The following ATP6V1B2 variants were observed in gnomAD, a reference collection of about 807,000 sequenced individuals.
ATP6V1B2 encodes the protein ATPase H+ transporting V1 subunit B2.
ATP6V1B2 carries 23 observed loss-of-function variants against 66.7 expected under a neutral mutation model. The ratio of observed to expected loss-of-function variants is 0.34; its 90% CI spans 0.25 to 0.49. The LOEUF is 0.49. ATP6V1B2 is among the 20% of genes least tolerant of loss of function. The probability of loss-of-function intolerance (pLI) is 0.99; values close to 1 mark genes in which losing one functional copy is unlikely to be tolerated. For synonymous variants in ATP6V1B2, 278 were observed against 236.7 expected, an observed-to-expected ratio of 1.17 and a Z score of -1.60; for missense variants, 478 against 650.8, an observed-to-expected ratio of 0.73 and a Z score of 2.89.
chr8:20,199,635 G>A lies in ATP6V1B2; in HGVS notation c.136+2093G>A, dbSNP rs541718572. Among the ~76,000 whole-genome samples the A allele has an allele frequency of 6.4e-4, 72 of 112,982 alleles. 1 individual carries two copies. The highest frequency in any genetic ancestry group is 9.1e-3 in the Middle Eastern group (1 of 110). The allele number at this position is 112,982 out of a possible 152,430, so 74.1% of individuals were successfully genotyped here. ...TTTTTTTTTTTTTTTTTGAGATGGA[G>A]TCTCGCTCTGTCACCCAGGCTGGAG... is the stretch of plus-strand genomic sequence containing the variant. On this transcript the variant is annotated intron_variant, in intron 1 of 13. Transcript: ENST00000276390.
intron 9 of ATP6V1B2, chr8:20,214,568 T>A (rs1428588665): frequency 6.6e-6 from 2 of 304,330 alleles, no homozygotes; most frequent in Non-Finnish European, 5.9e-6. Flanking sequence ...TAGCAAACTA[T>A]TTGAAAACTT....
chr8:20,205,016 A>G (rs550070368), intron 2 of ATP6V1B2, among the ~76,000 whole-genome samples: 1 of 152,276 alleles, frequency 6.6e-6, no homozygotes, highest in East Asian at 1.9e-4. Context: ...TCAAGATGAA[A>G]CCTAGTGAGT....
intron 1 of ATP6V1B2, among the ~76,000 whole-genome samples, chr8:20,199,715 A>G (rs775034750): frequency 5.4e-5 from 8 of 148,672 alleles, no homozygotes; most frequent in African/African-American, 1.0e-4. Flanking sequence ...GATTCGAGCA[A>G]TTCTCCTGCG....
intron 1 of ATP6V1B2, among the ~76,000 whole-genome samples, chr8:20,200,250 T>C (rs1018956792): frequency 2.6e-5 from 4 of 152,006 alleles, no homozygotes; most frequent in African/African-American, 9.7e-5. Context: ...ACTCCTGAGC[T>C]CAAGAGATCC....
At position 20,197,534 on chromosome 8, in the gene ATP6V1B2, C is replaced by T; in HGVS notation, c.128C>T (p.Pro43Leu). ...GTCAGTCGGAACTACCTCTCCCAGC[C>T]TCGCCTCAGTGAGTATCAGAGAGTA... ...LAVSRNYLSQPRLTYKTVSGV... is the reference protein window; with the variant it reads ...LAVSRNYLSQLRLTYKTVSGV... The change falls in exon 1 of 14, where the codon CCT becomes CTT. Residue 43 changes from proline to leucine, a missense_variant. Transcript: ENST00000276390. 1 of 1,425,970 alleles carries T rather than the reference C, an allele frequency of 7.0e-7. No homozygotes were observed. Among genetic ancestry groups the T allele is most frequent in the Non-Finnish European group, 9.2e-7 (1 of 1,082,096 alleles). 88.3% of individuals were successfully genotyped at this position (1,425,970 alleles called of 1,614,324 possible). A position where few individuals can be genotyped will look rare whatever the true frequency, so the allele number is the denominator to read the frequency against.
chr8:20,198,587 A>G (rs1012672912), intron 1 of ATP6V1B2, among the ~76,000 whole-genome samples: 6 of 152,196 alleles, frequency 3.9e-5, no homozygotes, highest in Non-Finnish European at 8.8e-5. Context: ...GGAAAAGCAC[A>G]TGATGTTTCC....
Position 20,197,432 on chromosome 8 carries a change from T to C in ATP6V1B2, c.26T>C (p.Ile9Thr). ...ATGGCGCTGCGGGCGATGCGGGGGA[T>C]TGTCAACGGGGCCGCACCCGAGCTA... MALRAMRG[I>T]VNGAAPELPV... is the part of the protein sequence containing the mutation. Residue 9 changes from isoleucine to threonine, a missense_variant, in exon 1 of 14, where the codon ATT (isoleucine) becomes ACT (threonine). Coordinates refer to ENST00000276390, the MANE Select transcript of ATP6V1B2 (RefSeq NM_001693.4). 6.5e-7 allele frequency: 1 copy of C among 1,546,084 alleles called. No individual in the cohort carries two copies. Among genetic ancestry groups the C allele is most frequent in the Non-Finnish European group, 8.7e-7 (1 of 1,147,446 alleles).
At chr8:20,215,249 A>G (rs1031678795) in intron 10 of ATP6V1B2, 6 of 228,618 alleles carry the variant, frequency 2.6e-5, no homozygotes, top group South Asian at 8.8e-5. Context: ...GAATTTTTGA[A>G]AAGAATTTAT....
At chr8:20,200,001 TG>T (rs2072669029) in intron 1 of ATP6V1B2, among the ~76,000 whole-genome samples, 3 of 150,918 alleles carry the variant, frequency 2.0e-5, no homozygotes, top group African/African-American at 7.3e-5. Flanking sequence ...TTATTGTGTG[TG>T]TGTGTGTGTG....
intron 3 of ATP6V1B2, among the ~76,000 whole-genome samples, chr8:20,210,050 C>T (rs2128885621): frequency 6.8e-6 from 1 of 147,936 alleles, no homozygotes; most frequent in Admixed American, 6.7e-5. Flanking sequence ...TTTTTTGAAA[C>T]AACCCTTTAA....
intron 13 of ATP6V1B2, 104 bp downstream of exon 13, chr8:20,218,386 C>T: frequency 6.9e-7 from 1 of 1,449,778 alleles, no homozygotes; most frequent in Non-Finnish European, 9.2e-7. Flanking sequence ...ATAGTTATTT[C>T]TCTGGTTAGA....
chr8:20,199,811 G>T (rs1430452783), intron 1 of ATP6V1B2, among the ~76,000 whole-genome samples: 1 of 151,906 alleles, frequency 6.6e-6, no homozygotes, highest in Non-Finnish European at 1.5e-5. Context: ...GGATTTCACC[G>T]TGTTTCCCAG....
At chr8:20,197,940 TC>T (rs1367189265) in intron 1 of ATP6V1B2, among the ~76,000 whole-genome samples, 1 of 152,070 alleles carries the variant, frequency 6.6e-6, no homozygotes, top group Non-Finnish European at 1.5e-5. Context: ...CCTTCTCCCC[TC>T]CCCCTGGTGA....
chr8:20,204,576 T>G (rs757880067), intron 2 of ATP6V1B2, 37 bp downstream of exon 2: 6 of 1,559,046 alleles, frequency 3.8e-6, no homozygotes, highest in Non-Finnish European at 4.4e-6. Context: ...TTTATGTAGT[T>G]AAAAATGTGG....
chr8:20,201,228 C>A (rs1227479514), intron 1 of ATP6V1B2, among the ~76,000 whole-genome samples: 1 of 152,198 alleles, frequency 6.6e-6, no homozygotes, highest in African/African-American at 2.4e-5. Flanking sequence ...ATTCACACAC[C>A]TACGGGCTCA....
intron 1 of ATP6V1B2, among the ~76,000 whole-genome samples, chr8:20,199,045 A>G (rs2072656976): frequency 1.3e-5 from 2 of 152,244 alleles, no homozygotes; most frequent in African/African-American, 2.4e-5. Flanking sequence ...ATAAAGGTGC[A>G]GTAGTCAGTT....
Position 20,218,163 on chromosome 8 carries a change from A to G in ATP6V1B2, c.1277A>G (p.Tyr426Cys), listed in dbSNP as rs752034354. ...CTTTCTTCTCTTTAGTATGCGTGCTATGCTATTGGAAAGGATGTGCAAGCC... is the reference window on the plus strand; with the variant it reads ...CTTTCTTCTCTTTAGTATGCGTGCTGTGCTATTGGAAAGGATGTGCAAGCC... The part of the protein sequence containing the change: ...ADVSNQLYAC[Y>C]AIGKDVQAMK... The change falls in exon 13 of 14, where the codon TAT becomes TGT. Residue 426 changes from tyrosine (Y) to cysteine (C), a missense_variant. Tyr to Cys is a radical substitution (Grantham distance 194, BLOSUM62 -2). Transcript: ENST00000276390. 7.4e-6 allele frequency: 12 copies of G among 1,613,062 alleles called. No homozygotes were observed. Among genetic ancestry groups the G allele is most frequent in the Non-Finnish European group, 1.0e-5 (12 of 1,179,330 alleles).
rs769246654 is a variant in ATP6V1B2, at chr8:20,212,198, A to G, written c.802A>G (p.Thr268Ala). The change falls in exon 8 of 14, where the codon ACC (threonine) becomes GCC (alanine). Residue 268 changes from threonine (T) to alanine (A), a missense_variant and splice_region_variant. Transcript: ENST00000276390. ...CTTTTTGAACTTGGCTAATGACCCA[A>G]CGTAAGTAACAGAGCTATTTCTTTC... ...CLFLNLANDP[T>A]IERIITPRLA... is the part of the protein sequence containing the mutation. 1.2e-6 allele frequency: 2 copies of G among 1,612,748 alleles called. No individual in the cohort carries two copies. The highest frequency in any genetic ancestry group is 1.7e-6 in the Non-Finnish European group (2 of 1,179,034).
chr8:20,220,188 A>T (rs772010223), intron 13 of ATP6V1B2, 75 bp from the exon 14 acceptor site: 42 of 1,503,952 alleles, frequency 2.8e-5, no homozygotes, highest in Non-Finnish European at 3.4e-5. Context: ...TGCTAGTCAT[A>T]TAACAATACA....
Sources: allele counts gnomAD v4.1 joint callset (sites outside exome capture counted in the v4.1 genomes callset), GRCh38; gene constraint gnomAD v4.1.1; transcripts MANE v1.5; gene names NCBI Gene and HGNC (gene_info 2026-07-23, HGNC 2026-07-21).